The following NCOR1 variants were observed in gnomAD, a reference collection of about 807,000 sequenced individuals.
NCOR1 encodes the protein protein phosphatase 1, regulatory subunit 109.
NCOR1 carries 63 observed loss-of-function variants against 288.1 expected under a neutral mutation model. That is an observed-to-expected ratio of 0.22 (90% CI 0.18 to 0.27). The LOEUF is 0.27. Ranked by LOEUF, NCOR1 falls within the 10% of genes least tolerant of loss-of-function variation. The pLI, the probability that NCOR1 is intolerant of heterozygous loss-of-function variation, is 1.00. For synonymous variants in NCOR1, 1,007 were observed against 1,065.9 expected (o/e 0.94, Z 1.08); for missense variants, 2,397 against 3,019.2 (o/e 0.79, Z 4.83).
rs1261554791 is a variant in NCOR1, at chr17:16,048,889, G to C, written c.6492C>G (p.Ser2164Arg). Reference protein sequence around the residue: ...QVPVVHEKQDSLLLLSQRGAE... With the variant: ...QVPVVHEKQDRLLLLSQRGAE... ...CGCCCCTCTGAGACAAGAGCAGCAA[G>C]CTGTCCTGTTTCTCATGCACAACCG... The change falls in exon 41 of 46, where the codon AGC (serine) becomes AGG (arginine). Residue 2164 changes from serine (S) to arginine (R), a missense_variant. Coordinates refer to ENST00000268712, the MANE Select transcript of NCOR1 (RefSeq NM_006311.4). 6.2e-7 allele frequency: 1 copy of C among 1,613,928 alleles called. No homozygotes were observed. Among genetic ancestry groups the C allele is most frequent in the Non-Finnish European group, 8.5e-7 (1 of 1,179,880 alleles).
intron 44 of NCOR1, among the ~76,000 whole-genome samples, chr17:16,038,769 GTC>G (rs956279025): frequency 2.0e-5 from 3 of 150,914 alleles, no homozygotes; most frequent in Admixed American, 1.3e-4. Flanking sequence ...TATTGTGTGT[GTC>G]TGTGTATGTA....
Position 16,065,701 on chromosome 17 carries a change from G to C in NCOR1, c.4742-7C>G. Reference sequence around the variant, plus strand: ...AACAGGTAAGCAGCCGCTGCTGATTGAGAGAATGAAAGAAAGGCACTGAGT... The same window carrying C: ...AACAGGTAAGCAGCCGCTGCTGATTCAGAGAATGAAAGAAAGGCACTGAGT... On this transcript the variant is annotated splice_region_variant and splice_polypyrimidine_tract_variant and intron_variant, in intron 32 of 45. Coordinates refer to ENST00000268712, the MANE Select transcript of NCOR1 (RefSeq NM_006311.4). The C allele has an allele frequency of 1.2e-6, 2 of 1,613,724 alleles. No homozygotes were observed. Among genetic ancestry groups the C allele is most frequent in the Non-Finnish European group, 1.7e-6 (2 of 1,179,658 alleles).
rs1289780912 is a variant in NCOR1, at chr17:16,071,601, C to T, written c.3960G>A (p.Arg1320=). 1 of 1,613,780 alleles carries T rather than the reference C, an allele frequency of 6.2e-7. No homozygotes were observed. The highest frequency in any genetic ancestry group is 1.7e-5 in the Admixed American group (1 of 59,972). ...DGLKYPKQIK[R]ESPPIRAFEG... ...CAAATGCTCGTATGGGAGGACTTTC[C>T]CTTTTAATTTGTTTGGGATATTTAA... Residue 1320 remains arginine, a synonymous_variant, in exon 30 of 46, where the codon AGG becomes AGA. Coordinates refer to ENST00000268712, the MANE Select transcript of NCOR1 (RefSeq NM_006311.4).
intron 32 of NCOR1, chr17:16,065,917 A>C (rs1225217688): frequency 3.5e-5 from 19 of 541,756 alleles, no homozygotes; most frequent in Non-Finnish European, 6.0e-5. Context: ...GGATAACAGT[A>C]GCTAAAAACT....
chr17:16,070,059 G>A (rs2061567460), intron 31 of NCOR1, 106 bp downstream of exon 31: 1 of 1,393,398 alleles, frequency 7.2e-7, no homozygotes, highest in Non-Finnish European at 9.6e-7. Flanking sequence ...GTAGATCTTG[G>A]GATACTCTAA....
chr17:16,162,892 A>G (rs193155143), intron 5 of NCOR1, among the ~76,000 whole-genome samples: 26 of 152,306 alleles, frequency 1.7e-4, no homozygotes, highest in Non-Finnish European at 4.4e-5. Flanking sequence ...TACAACATGT[A>G]GTTTCCAGTG....
At chr17:16,202,523 T>C (rs1188910816) in intron 1 of NCOR1, among the ~76,000 whole-genome samples, 1 of 152,038 alleles carries the variant, frequency 6.6e-6, no homozygotes, top group African/African-American at 2.4e-5. Flanking sequence ...TTAATGTAGA[T>C]ATTTGGCCTG....
chr17:16,101,278 C>A lies in NCOR1; in HGVS notation c.2662G>T (p.Asp888Tyr). 1 of 1,606,152 alleles carries A rather than the reference C, an allele frequency of 6.2e-7. No individual in the cohort carries two copies. Among genetic ancestry groups the A allele is most frequent in the Non-Finnish European group, 8.5e-7 (1 of 1,176,270 alleles). The part of the protein sequence containing the change: ...DSSATCSADE[D>Y]VDGEPERQRM... ...TGCCTCTCTGGCTCTCCATCCACAT[C>A]CTCATCAGCGCTGCACGTGGCACTG... Residue 888 changes from aspartate to tyrosine, a missense_variant, in exon 20 of 46, where the codon GAT (aspartate) becomes TAT (tyrosine). This residue lies in a region of NCOR1 where 1,872 missense variants were observed against 2,187.8 expected (regional missense o/e 0.86). Coordinates refer to ENST00000268712, the MANE Select transcript of NCOR1 (RefSeq NM_006311.4).
At chr17:16,066,645 ATCTAGAAGCTAGGTAAG>A (rs1567802956) in intron 32 of NCOR1, among the ~76,000 whole-genome samples, 1 of 152,210 alleles carries the variant, frequency 6.6e-6, no homozygotes, top group Non-Finnish European at 1.5e-5. Flanking sequence ...CTTCCCCTTC[ATCTAGAAGCTAGGTAAG>A]TCTGTCAGCT....
chr17:16,126,101 CT>C lies in NCOR1; in HGVS notation c.1614del (p.Asp539MetfsTer16). The C allele has an allele frequency of 2.9e-6, 4 of 1,385,460 alleles. No individual in the cohort carries two copies. The highest frequency in any genetic ancestry group is 2.3e-5 in the Admixed American group (1 of 44,020). The allele number at this position is 1,385,460 out of a possible 1,614,324, so 85.8% of individuals were successfully genotyped here. ...ACTCACTTGGAGTCTTCTTTTTCAT[CT>C]TTTTCCTCTTCATCTTTCTTTTCTT... ...KEEEKKDEEE[K>X]DEKEDSKENT... On this transcript the variant is annotated frameshift_variant, in exon 15 of 46. Transcript: ENST00000268712. LOFTEE classifies it high-confidence loss of function.
At chr17:16,183,149 ATCTAGTACTATGTTGATT>A in intron 3 of NCOR1, among the ~76,000 whole-genome samples, 1 of 150,708 alleles carries the variant, frequency 6.6e-6, no homozygotes, top group South Asian at 2.1e-4. Context: ...TCCTTTTCCC[ATCTAGTACTATGTTGATT>A]AGAAGCAGTG....
intron 5 of NCOR1, among the ~76,000 whole-genome samples, chr17:16,162,099 T>A (rs73981473): frequency 1.9e-4 from 29 of 151,076 alleles, no homozygotes; most frequent in South Asian, 6.3e-4. Context: ...AAAAAAAAAA[T>A]TTTTTTTAAT....
chr17:16,051,169 A>G (rs2059265652), intron 40 of NCOR1, among the ~76,000 whole-genome samples: 2 of 152,184 alleles, frequency 1.3e-5, no homozygotes, highest in African/African-American at 4.8e-5. Flanking sequence ...TTTTGCCTTT[A>G]CATAGCATAC....
intron 1 of NCOR1, among the ~76,000 whole-genome samples, chr17:16,207,531 G>A (rs2091657062): frequency 6.6e-6 from 1 of 152,020 alleles, no homozygotes; most frequent in Non-Finnish European, 1.5e-5. Flanking sequence ...CACGAGGTCA[G>A]GAGATCGAGA....
At position 16,057,604 on chromosome 17, in the gene NCOR1, T is replaced by C. The variant is rs953432913; in HGVS notation, c.6302A>G (p.Tyr2101Cys). The C allele has an allele frequency of 1.2e-6, 2 of 1,614,180 alleles. No homozygotes were observed. Among genetic ancestry groups the C allele is most frequent in the Non-Finnish European group, 1.7e-6 (2 of 1,180,020 alleles). ...TPVRTKTSNR[Y>C]SPESQAQSVH... Reference sequence around the variant, plus strand: ...AGACTGAGCCTGGGATTCTGGGCTGTAACGGTTTGATGTTTTAGTCCTCAC... The same window carrying C: ...AGACTGAGCCTGGGATTCTGGGCTGCAACGGTTTGATGTTTTAGTCCTCAC... The change falls in exon 40 of 46, where the codon TAC (tyrosine) becomes TGC (cysteine). Residue 2101 changes from tyrosine (Y) to cysteine (C), a missense_variant. Tyr to Cys is a radical substitution (Grantham distance 194, BLOSUM62 -2). This residue lies in a region of NCOR1 where 1,872 missense variants were observed against 2,187.8 expected (regional missense o/e 0.86). Transcript: ENST00000268712.
intron 26 of NCOR1, among the ~76,000 whole-genome samples, chr17:16,079,746 T>G (rs1268792564): frequency 1.3e-5 from 2 of 152,344 alleles, no homozygotes; most frequent in Admixed American, 1.3e-4. Context: ...TGCAAATAAG[T>G]GACCTTTTCA....
intron 40 of NCOR1, among the ~76,000 whole-genome samples, chr17:16,053,769 T>A (rs2059585500): frequency 6.6e-6 from 1 of 151,994 alleles, no homozygotes. Flanking sequence ...AAGCTGTAGG[T>A]GTCATACTAC....
At chr17:16,127,219 GTA>G (rs1409331861) in intron 14 of NCOR1, among the ~76,000 whole-genome samples, 5 of 143,626 alleles carry the variant, frequency 3.5e-5, no homozygotes, top group East Asian at 4.1e-4. Context: ...ATATCTGTAT[GTA>G]TATATACATG....
rs1429362738 is a variant in NCOR1, at chr17:16,067,976, G to A, written c.4659C>T (p.Gly1553=). ...TCCGATAAACCTCGCCTGCAGTGCTGCCTCTGTGATGGGGATCAAACGGAC... is the reference window on the plus strand; with the variant it reads ...TCCGATAAACCTCGCCTGCAGTGCTACCTCTGTGATGGGGATCAAACGGAC... ...SHSPFDPHHR[G]STAGEVYRSH... The change falls in exon 32 of 46, where the codon GGC becomes GGT. Residue 1553 remains glycine, a synonymous_variant. Transcript: ENST00000268712. 3 of 1,614,222 alleles carry A rather than the reference G, an allele frequency of 1.9e-6. No homozygotes were observed. The Admixed American group carries it at 5.0e-5, about 27-fold the overall frequency.
Sources: allele counts gnomAD v4.1 joint callset (sites outside exome capture counted in the v4.1 genomes callset), GRCh38; gene constraint gnomAD v4.1.1; regional missense constraint gnomAD v4.1.1; transcripts MANE v1.5; gene names NCBI Gene and HGNC (gene_info 2026-07-23, HGNC 2026-07-21).